GMCL1: variants seen among roughly 807,000 people sequenced by gnomAD.
GMCL1 encodes germ cell-less protein-like 1.
In GMCL1, 54 loss-of-function variants were observed where a neutral mutation model predicts 75.5. The ratio of observed to expected loss-of-function variants is 0.71; its 90% CI spans 0.57 to 0.90. The LOEUF (loss-of-function observed/expected upper bound fraction) is 0.90. Ranked by LOEUF, GMCL1 falls within the 40% of genes least tolerant of loss-of-function variation. GMCL1 has a pLI of 0.00. For missense variants in GMCL1, 537 were observed against 622.7 expected (o/e 0.86, Z 1.47); for synonymous variants, 210 against 209.6 (o/e 1.00, Z -0.02).
intron 12 of GMCL1, 92 bp from the exon 13 acceptor site, chr2:69,871,653 G>A (rs1333565968): frequency 6.1e-6 from 4 of 659,114 alleles, no homozygotes; most frequent in Non-Finnish European, 1.0e-5. Context: ...ATAAAAAACA[G>A]AGGAAAAAGT....
Position 69,871,726 on chromosome 2 carries a change from A to AT in GMCL1, c.1365-9dup, listed in dbSNP as rs746984793. ...TTTAAAAATCTTGTGTTTATTTTTT[A>AT]TTTTTTTTTTAATCCTAGATTACGT... On this transcript the variant is annotated intron_variant, in intron 12 of 13. Transcript: ENST00000282570. 3,461 of 1,215,436 alleles carry AT rather than the reference A, an allele frequency of 2.8e-3. No homozygotes were observed. Among genetic ancestry groups the AT allele is most frequent in the South Asian group, 3.5e-3 (244 of 69,030 alleles). The allele number at this position is 1,215,436 out of a possible 1,614,324, so 75.3% of individuals were successfully genotyped here. A position where few individuals can be genotyped will look rare whatever the true frequency, so the allele number is the denominator to read the frequency against.
At chr2:69,870,861 A>T (rs1675962734) in intron 12 of GMCL1, among the ~76,000 whole-genome samples, 1 of 152,220 alleles carries the variant, frequency 6.6e-6, no homozygotes, top group South Asian at 2.1e-4. Context: ...AATAGAAAAA[A>T]AACAACAAAA....
At chr2:69,855,610 T>C (rs1675448151) in intron 9 of GMCL1, among the ~76,000 whole-genome samples, 1 of 152,170 alleles carries the variant, frequency 6.6e-6, no homozygotes, top group Admixed American at 6.5e-5. Context: ...TATATGTTTA[T>C]AGATTTTTGT....
Position 69,841,051 on chromosome 2 carries a change from C to G in GMCL1, c.579+12C>G. Reference sequence around the variant, plus strand: ...GTTTGCTGCAGTTGGTAAGTATGCACGTTATTCGAAGAAAGGTTCAGAATA... The same window carrying G: ...GTTTGCTGCAGTTGGTAAGTATGCAGGTTATTCGAAGAAAGGTTCAGAATA... On this transcript the variant is annotated intron_variant, in intron 4 of 13. Transcript: ENST00000282570. 6.3e-7 allele frequency: 1 copy of G among 1,586,712 alleles called. No individual in the cohort carries two copies. The highest frequency in any genetic ancestry group is 8.7e-7 in the Non-Finnish European group (1 of 1,155,454).
At chr2:69,853,997 G>A (rs1675393867) in intron 8 of GMCL1, among the ~76,000 whole-genome samples, 3 of 151,902 alleles carry the variant, frequency 2.0e-5, no homozygotes, top group Admixed American at 2.0e-4. Flanking sequence ...TAGAGACAGG[G>A]TTTCATCATC....
intron 1 of GMCL1, among the ~76,000 whole-genome samples, chr2:69,830,796 G>A (rs1252723178): frequency 6.7e-6 from 1 of 150,240 alleles, no homozygotes; most frequent in Non-Finnish European, 1.5e-5. Flanking sequence ...GTTGAAAGAT[G>A]GAATATTGAC....
chr2:69,867,375 C>T (rs1675851116), intron 11 of GMCL1, among the ~76,000 whole-genome samples: 1 of 152,034 alleles, frequency 6.6e-6, no homozygotes, highest in Non-Finnish European at 1.5e-5. Flanking sequence ...GTGAGCATAC[C>T]CTCAATTTTT....
rs71397366 is a variant in GMCL1, at chr2:69,838,336, C to CAAAAAAAAAAAAA, written c.384+682_384+694dup. ...TGGGCAACAGAGCGAGACTCTGTCT[C>CAAAAAAAAAAAAA]AAAAAAAAAAAAAAAAAAAAAAAAA... On this transcript the variant is annotated intron_variant, in intron 2 of 13. Coordinates refer to ENST00000282570, the MANE Select transcript of GMCL1 (RefSeq NM_178439.5). Among the ~76,000 whole-genome samples the CAAAAAAAAAAAAA allele has an allele frequency of 4.1e-4, 13 of 31,516 alleles. 1 individual carries two copies. The highest frequency in any genetic ancestry group is 6.2e-4 in the Non-Finnish European group (10 of 16,216). The allele number at this position is 31,516 out of a possible 152,430, so 20.7% of individuals were successfully genotyped here.
intron 7 of GMCL1, 138 bp downstream of exon 7, chr2:69,847,765 A>G: frequency 2.0e-6 from 1 of 490,282 alleles, no homozygotes; most frequent in East Asian, 3.1e-5. Context: ...GAAACCTTAA[A>G]AAGTCTTTAT....
At chr2:69,840,621 C>T (rs1156645293) in intron 3 of GMCL1, among the ~76,000 whole-genome samples, 1 of 152,202 alleles carries the variant, frequency 6.6e-6, no homozygotes, top group Non-Finnish European at 1.5e-5. Flanking sequence ...TTGTACTTAA[C>T]GATTGGTCTA....
intron 1 of GMCL1, among the ~76,000 whole-genome samples, chr2:69,833,815 A>G (rs1055538277): frequency 2.0e-5 from 3 of 152,108 alleles, no homozygotes; most frequent in African/African-American, 7.2e-5. Flanking sequence ...CATTTACGAG[A>G]CTGTTAAAAC....
chr2:69,844,313 T>TA, intron 6 of GMCL1, 117 bp downstream of exon 6: 1 of 575,756 alleles, frequency 1.7e-6, no homozygotes, highest in Non-Finnish European at 3.1e-6. Flanking sequence ...GCAAACAATT[T>TA]AATGAAAGGG....
intron 7 of GMCL1, among the ~76,000 whole-genome samples, 195 bp downstream of exon 7, chr2:69,847,822 CTTTTCTA>C (rs1675198236): frequency 6.6e-6 from 1 of 152,064 alleles, no homozygotes; most frequent in African/African-American, 2.4e-5. Context: ...ATTTTTTGTA[CTTTTCTA>C]TTTTAGGAAT....
chr2:69,876,239 C>T (rs1164989764), intron 13 of GMCL1, among the ~76,000 whole-genome samples: 2 of 151,970 alleles, frequency 1.3e-5, no homozygotes, highest in South Asian at 2.1e-4. Context: ...TGATAAGAAC[C>T]TTAAAGAATG....
At chr2:69,839,434 G>T in intron 2 of GMCL1, 23 bp from the exon 3 acceptor site, 1 of 1,412,920 alleles carries the variant, frequency 7.1e-7, no homozygotes, top group Non-Finnish European at 9.8e-7. Flanking sequence ...CTTGATAATC[G>T]TTGACTTTTT....
At chr2:69,832,795 C>T (rs969564328) in intron 1 of GMCL1, among the ~76,000 whole-genome samples, 2 of 152,158 alleles carry the variant, frequency 1.3e-5, no homozygotes, top group Admixed American at 6.5e-5. Context: ...AGAAATCACA[C>T]AGCAATTTGA....
In GMCL1 at chr2:69,872,867, C is replaced by G. The variant is rs189106244; in HGVS notation, c.1452+1035C>G. Among the ~76,000 whole-genome samples the G allele has an allele frequency of 5.3e-5, 8 of 152,296 alleles. No homozygotes were observed. In the East Asian group the frequency reaches 1.5e-3, roughly 29 times the overall value. On this transcript the variant is annotated intron_variant, in intron 13 of 13. Coordinates refer to ENST00000282570, the MANE Select transcript of GMCL1 (RefSeq NM_178439.5). ...ATGAAAAATACTGTCATGGCTCAAA[C>G]CCAGCCAGAGACCTAAAAAAGCACC...
intron 6 of GMCL1, among the ~76,000 whole-genome samples, chr2:69,846,870 C>A (rs1675163211): frequency 6.6e-6 from 1 of 151,806 alleles, no homozygotes. Context: ...CTCTGTTGCC[C>A]AGGCTGGAGT....
At chr2:69,868,600 A>G (rs1401138237) in intron 11 of GMCL1, among the ~76,000 whole-genome samples, 1 of 149,416 alleles carries the variant, frequency 6.7e-6, no homozygotes, top group African/African-American at 2.5e-5. Context: ...TTTAGTAGAG[A>G]TGGGGTTTCG....
Sources: gnomAD v4.1 joint callset for allele counts (sites outside exome capture counted in the v4.1 genomes callset) on GRCh38, gnomAD v4.1.1 for gene constraint, MANE v1.5 for transcripts, NCBI Gene and HGNC (gene_info 2026-07-23, HGNC 2026-07-21) for gene names.